Variants in ICAM1 observed in about 807,000 individuals in gnomAD.
The protein encoded by ICAM1 is intercellular adhesion molecule 1, also known as ICAM-1.
Under a neutral mutation model 42.3 loss-of-function variants are expected in ICAM1, and 28 were observed. The ratio of observed to expected loss-of-function variants is 0.66; its 90% confidence interval spans 0.49 to 0.91. The LOEUF (loss-of-function observed/expected upper bound fraction) is 0.91. Ranked by LOEUF, ICAM1 falls within the 40% of genes least tolerant of loss-of-function variation. The probability of loss-of-function intolerance (pLI) is 0.00; values close to 1 mark genes in which losing one functional copy is unlikely to be tolerated. For missense variants in ICAM1, 637 were observed against 688.6 expected (o/e 0.93, Z 0.84); for synonymous variants, 304 against 305.9 (o/e 0.99, Z 0.07).
chr19:10,284,418 A>G lies in ICAM1; in HGVS notation c.941A>G (p.Asn314Ser), dbSNP rs762664096. ...TVTIYSFPAP[N>S]VILTKPEVSE... ...CCTATTCCAGGCTTTCCGGCGCCCAACGTGATTCTGACGAAGCCAGAGGTC... is the reference window on the plus strand; with the variant it reads ...CCTATTCCAGGCTTTCCGGCGCCCAGCGTGATTCTGACGAAGCCAGAGGTC... Residue 314 changes from asparagine (N) to serine (S), a missense_variant, in exon 5 of 7, where the codon AAC (asparagine) becomes AGC (serine). Physicochemically the swap from Asn to Ser is conservative, Grantham distance 46 (BLOSUM62 1). Transcript: ENST00000264832. This position sits in a 1 kb window ranked among gnomAD's most constrained non-coding sequence, Gnocchi z 5.4. 2.5e-6 allele frequency: 4 copies of G among 1,613,284 alleles called. No individual in the cohort carries two copies. The highest frequency in any genetic ancestry group is 3.4e-6 in the Non-Finnish European group (4 of 1,179,968).
At chr19:10,275,930 A>C (rs1466350267) in intron 2 of ICAM1, among the ~76,000 whole-genome samples, 2 of 151,068 alleles carry the variant, frequency 1.3e-5, no homozygotes, top group Non-Finnish European at 3.0e-5. Flanking sequence ...GGATGGTCTC[A>C]ATCTCCTGAC....
At chr19:10,281,455 A>G (rs2040058336) in intron 2 of ICAM1, among the ~76,000 whole-genome samples, 1 of 151,980 alleles carries the variant, frequency 6.6e-6, no homozygotes, top group South Asian at 2.1e-4. Flanking sequence ...AGAATACCAT[A>G]AGATTCATCC....
intron 3 of ICAM1, 107 bp downstream of exon 3, chr19:10,283,893 G>T: frequency 1.4e-6 from 2 of 1,436,070 alleles, no homozygotes; most frequent in Non-Finnish European, 1.9e-6. Context: ...CGGCTAAGGG[G>T]TGCATGTGTT....
At chr19:10,271,674 G>A (rs1353677547) in intron 1 of ICAM1, among the ~76,000 whole-genome samples, 1 of 152,180 alleles carries the variant, frequency 6.6e-6, no homozygotes, top group Non-Finnish European at 1.5e-5. Context: ...CCTGGCCCCA[G>A]GACTCGATCA....
chr19:10,281,962 G>C (rs12462944), intron 2 of ICAM1, among the ~76,000 whole-genome samples: 52,879 of 151,788 alleles, frequency 0.35, 9,970 homozygotes, highest in Admixed American at 0.47. Context: ...GGCTGGTCTT[G>C]AACTCCTGAC....
intron 1 of ICAM1, among the ~76,000 whole-genome samples, chr19:10,273,876 T>C (rs1411914437): frequency 6.6e-6 from 1 of 151,836 alleles, no homozygotes; most frequent in Non-Finnish European, 1.5e-5. Flanking sequence ...TAGCTGGGCG[T>C]GGTGGTGCTT....
At chr19:10,277,540 T>C (rs139885571) in intron 2 of ICAM1, among the ~76,000 whole-genome samples, 3 of 151,390 alleles carry the variant, frequency 2.0e-5, no homozygotes, top group African/African-American at 7.3e-5. Context: ...CAGCCTGGAG[T>C]GCAATGGTGT....
chr19:10,271,343 A>T, intron 1 of ICAM1, 117 bp downstream of exon 1: 2 of 836,698 alleles, frequency 2.4e-6, no homozygotes, highest in Non-Finnish European at 3.7e-6. Flanking sequence ...GGCTAGAGAC[A>T]GCGATTGAAA....
In ICAM1 at chr19:10,278,979, A is replaced by G. The variant is rs140236585; in HGVS notation, c.331+3951A>G. On this transcript the variant is annotated intron_variant, in intron 2 of 6. Transcript: ENST00000264832. ...GGAGCAGATGGCTGGCACAGGTAGC[A>G]AAGGAGTAAAAGTTATGTGGGAGGG... Among the ~76,000 whole-genome samples, 358 of 152,308 alleles carry G rather than the reference A, an allele frequency of 2.4e-3. 1 individual carries two copies. Among genetic ancestry groups the G allele is most frequent in the Non-Finnish European group, 3.8e-3 (256 of 68,020 alleles).
intron 1 of ICAM1, among the ~76,000 whole-genome samples, chr19:10,272,072 G>A (rs1170084605): frequency 1.3e-5 from 2 of 152,152 alleles, no homozygotes; most frequent in East Asian, 3.9e-4. Flanking sequence ...AATCACTTAA[G>A]GTCAGGAGTT....
intron 1 of ICAM1, 31 bp from the exon 2 acceptor site, chr19:10,274,734 T>G (rs1423600926): frequency 6.2e-7 from 1 of 1,602,002 alleles, no homozygotes; most frequent in East Asian, 2.2e-5. Context: ...TGATTTGTAA[T>G]GCCTGTCGCC....
chr19:10,277,116 T>C (rs180954486), intron 2 of ICAM1, among the ~76,000 whole-genome samples: 15 of 152,216 alleles, frequency 9.9e-5, no homozygotes, highest in Middle Eastern at 3.4e-3. Flanking sequence ...ATGACAATAT[T>C]AGCTGGCTAT....
rs182901920 is a variant in ICAM1, at chr19:10,275,044, C to A, written c.331+16C>A. On this transcript the variant is annotated intron_variant, in intron 2 of 6. Coordinates refer to ENST00000264832, the MANE Select transcript of ICAM1 (RefSeq NM_000201.3). ...ACCGTGTACTGTGAGTAACTGAGCC[C>A]GGAGGGCTGGACTAGGCAGACCCGG... is the stretch of plus-strand genomic sequence containing the variant. 6.2e-7 allele frequency: 1 copy of A among 1,611,398 alleles called. No individual in the cohort carries two copies. Among genetic ancestry groups the A allele is most frequent in the Non-Finnish European group, 8.5e-7 (1 of 1,179,534 alleles).
chr19:10,284,051 C>G lies in ICAM1; in HGVS notation c.656C>G (p.Pro219Arg), dbSNP rs201414539. 2.9e-5 allele frequency: 46 copies of G among 1,613,738 alleles called. No individual in the cohort carries two copies. The African/African-American group carries it at 4.4e-4, about 15-fold the overall frequency. The change falls in exon 4 of 7, where the codon CCA becomes CGA. Residue 219 changes from proline to arginine, a missense_variant. By Grantham distance (103) the Pro-to-Arg change is moderately radical. Transcript: ENST00000264832. The surrounding 1 kb of genome is among the most constrained non-coding windows in gnomAD (Gnocchi z 5.4). Reference protein sequence around the residue: ...LQTFVLPATPPQLVSPRVLEV... With the variant: ...LQTFVLPATPRQLVSPRVLEV... ...TCCCTAGTCCTGCCAGCGACTCCCCCACAACTTGTCAGCCCCCGGGTCCTA... is the reference window on the plus strand; with the variant it reads ...TCCCTAGTCCTGCCAGCGACTCCCCGACAACTTGTCAGCCCCCGGGTCCTA...
chr19:10,280,033 T>A lies in ICAM1; in HGVS notation c.332-3448T>A, dbSNP rs5030364. ...GAAGGCTGGATTTACTGGAAGCCAA[T>A]GAGCAGTTGGCTATGGTCCTTGTCC... On this transcript the variant is annotated intron_variant, in intron 2 of 6. Transcript: ENST00000264832. Among the ~76,000 whole-genome samples the A allele has an allele frequency of 5.9e-3, 896 of 152,278 alleles. 9 individuals carry two copies. Among genetic ancestry groups the A allele is most frequent in the African/African-American group, 0.02 (848 of 41,546 alleles).
At chr19:10,272,176 T>C (rs2039986469) in intron 1 of ICAM1, among the ~76,000 whole-genome samples, 1 of 152,082 alleles carries the variant, frequency 6.6e-6, no homozygotes, top group Non-Finnish European at 1.5e-5. Context: ...TCCCAGCTGC[T>C]CGGGAGGCTG....
rs762446658 is a variant in ICAM1, at chr19:10,284,760, GTCATC to G, written c.1181-17_1181-13del. 1 of 1,607,286 alleles carries G rather than the reference GTCATC, an allele frequency of 6.2e-7. No homozygotes were observed. Among genetic ancestry groups the G allele is most frequent in the African/African-American group, 1.3e-5 (1 of 74,226 alleles). ...AAGTCCTGCCCCCACCCACCTCCAT[GTCATC>G]TCATCGTGTTTTTCCAGATGGCCCC... On this transcript the variant is annotated intron_variant, in intron 5 of 6. Coordinates refer to ENST00000264832, the MANE Select transcript of ICAM1 (RefSeq NM_000201.3). The surrounding 1 kb of genome is among the most constrained non-coding windows in gnomAD (Gnocchi z 5.4).
Position 10,271,179 on chromosome 19 carries a change from G to A in ICAM1, c.20G>A (p.Arg7Gln), listed in dbSNP as rs769191023. 1.9e-6 allele frequency: 3 copies of A among 1,613,062 alleles called. No individual in the cohort carries two copies. The highest frequency in any genetic ancestry group is 2.5e-6 in the Non-Finnish European group (3 of 1,179,780). MAPSSPRPALPALLVLL... is the reference protein window; with the variant it reads MAPSSPQPALPALLVLL... ...CTCGCTATGGCTCCCAGCAGCCCCC[G>A]GCCCGCGCTGCCCGCACTCCTGGTC... The change falls in exon 1 of 7, where the codon CGG becomes CAG. Residue 7 changes from arginine (R) to glutamine (Q), a missense_variant. Transcript: ENST00000264832.
intron 6 of ICAM1, 40 bp from the exon 7 acceptor site, chr19:10,285,075 C>T (rs2040093407): frequency 1.2e-6 from 2 of 1,613,558 alleles, no homozygotes; most frequent in Non-Finnish European, 1.7e-6. Context: ...GGGCCATGGA[C>T]CTAATGCAAT....
Sources: gnomAD v4.1 joint callset for allele counts (sites outside exome capture counted in the v4.1 genomes callset) on GRCh38, gnomAD v4.1.1 for gene constraint, Gnocchi (gnomAD v3.1) non-coding constraint, MANE v1.5 for transcripts, NCBI Gene and HGNC (gene_info 2026-07-23, HGNC 2026-07-21) for gene names.